The following TJP1 variants were observed in gnomAD, a reference collection of about 807,000 sequenced individuals.
The protein encoded by TJP1 is tight junction protein ZO-1.
A neutral mutation model predicts 194.2 loss-of-function variants in TJP1; 43 were observed. That is an observed-to-expected ratio of 0.22 (90% CI 0.17 to 0.29). The LOEUF (loss-of-function observed/expected upper bound fraction) is 0.29, where lower values mean the gene tolerates loss of function less well. TJP1 is among the 10% of genes least tolerant of loss of function. TJP1 has a pLI of 1.00. For missense variants in TJP1, 1,971 were observed against 2,185.7 expected (o/e 0.90, Z 1.96); for synonymous variants, 801 against 779.0 (o/e 1.03, Z -0.47).
chr15:29,942,664 T>G (rs1378697694), intron 2 of TJP1, among the ~76,000 whole-genome samples: 1 of 152,210 alleles, frequency 6.6e-6, no homozygotes, highest in Middle Eastern at 3.2e-3. Context: ...GTGATAATTC[T>G]GGAAGACTCC....
intron 2 of TJP1, among the ~76,000 whole-genome samples, chr15:29,863,034 C>T (rs951882313): frequency 1.3e-5 from 2 of 151,536 alleles, no homozygotes; most frequent in African/African-American, 4.8e-5. Context: ...GTGGCTCATG[C>T]CTATAATCCG....
At chr15:29,962,612 C>T (rs1247306933) in intron 1 of TJP1, among the ~76,000 whole-genome samples, 1 of 152,168 alleles carries the variant, frequency 6.6e-6, no homozygotes, top group Non-Finnish European at 1.5e-5. Context: ...TTCCAAACAA[C>T]AGTGTGAGCC....
At chr15:29,727,381 C>T (rs2043307122) in intron 16 of TJP1, among the ~76,000 whole-genome samples, 1 of 152,114 alleles carries the variant, frequency 6.6e-6, no homozygotes, top group Non-Finnish European at 1.5e-5. Context: ...CAAAACAAAA[C>T]ACCCCATCAC....
chr15:29,890,877 G>C (rs1397838782), intron 2 of TJP1, among the ~76,000 whole-genome samples: 1 of 152,100 alleles, frequency 6.6e-6, no homozygotes. Flanking sequence ...CTGCCAGCGA[G>C]ATGTCTACTT....
At chr15:29,767,001 C>A (rs533409594) in intron 4 of TJP1, among the ~76,000 whole-genome samples, 1 of 152,288 alleles carries the variant, frequency 6.6e-6, no homozygotes, top group Admixed American at 6.5e-5. Context: ...TTGCCCCAGA[C>A]CTCTAAGAGA....
At position 29,867,577 on chromosome 15, in the gene TJP1, T is replaced by C. The variant is rs1337840152; in HGVS notation, c.307-66875A>G. 1.3e-5 allele frequency among the ~76,000 whole-genome samples: 2 copies of C among 152,142 alleles called. 1 individual carries two copies. Among genetic ancestry groups the C allele is most frequent in the African/African-American group, 4.8e-5 (2 of 41,428 alleles). ...TGGGTGTGTATATTCCCTTAAAAAT[T>C]ATCTCAGTGTGTAAAAAATTTGTTT... On this transcript the variant is annotated intron_variant, in intron 2 of 28. Transcript: ENST00000356107.
At chr15:29,712,612 C>T (rs1006805280) in intron 23 of TJP1, among the ~76,000 whole-genome samples, 3 of 152,138 alleles carry the variant, frequency 2.0e-5, no homozygotes, top group African/African-American at 7.2e-5. Flanking sequence ...AACACAATCA[C>T]TTAGTTATGT....
intron 2 of TJP1, among the ~76,000 whole-genome samples, chr15:29,886,719 C>G (rs1405838609): frequency 6.7e-6 from 1 of 150,130 alleles, no homozygotes; most frequent in Non-Finnish European, 1.5e-5. Flanking sequence ...AATAACATAA[C>G]AATAACCATA....
intron 2 of TJP1, 129 bp downstream of exon 2, chr15:29,800,517 T>C (rs1419782498): frequency 1.2e-6 from 1 of 805,188 alleles, no homozygotes; most frequent in Non-Finnish European, 2.0e-6. Context: ...AACTCTAATT[T>C]TAAACAAAAG....
chr15:29,813,165 C>T (rs1226430575), intron 1 of TJP1, among the ~76,000 whole-genome samples: 10 of 152,078 alleles, frequency 6.6e-5, no homozygotes, highest in Non-Finnish European at 1.5e-4. Flanking sequence ...GGATATCTTA[C>T]TACTAAAACA....
upstream of TJP1, among the ~76,000 whole-genome samples, chr15:29,826,153 T>TA (rs1010730015): frequency 1.8e-4 from 15 of 83,956 alleles, no homozygotes; most frequent in Admixed American, 1.3e-3. Context: ...TTTTTTTTTT[T>TA]AAAAAGAAGA....
chr15:29,898,477 C>T (rs1394080024), intron 2 of TJP1, among the ~76,000 whole-genome samples: 1 of 152,092 alleles, frequency 6.6e-6, no homozygotes, highest in African/African-American at 2.4e-5. Context: ...ATATAGGATC[C>T]CTCAGATTTT....
rs2041538988 is a variant in TJP1 at position 29,701,516 on chromosome 15, TATA to T, written c.*76_*78del. The T allele has an allele frequency of 2.5e-6, 3 of 1,185,400 alleles. No individual in the cohort carries two copies. The South Asian group carries it at 3.9e-5, about 16-fold the overall frequency. 73.4% of individuals were successfully genotyped at this position (1,185,400 alleles called of 1,614,324 possible). A position where few individuals can be genotyped will look rare whatever the true frequency, so the allele number is the denominator to read the frequency against. On this transcript the variant is annotated 3_prime_UTR_variant, in exon 28 of 28. Coordinates refer to ENST00000614355, the MANE Select transcript of TJP1 (RefSeq NM_001330239.4). ...ACTGTAGTATCAACTCTAAAAAAGG[TATA>T]ATACTTGATAGAGTGGTTCCATTTA...
intron 18 of TJP1, among the ~76,000 whole-genome samples, chr15:29,725,039 G>A (rs1490728666): frequency 6.6e-6 from 1 of 152,168 alleles, no homozygotes; most frequent in Non-Finnish European, 1.5e-5. Context: ...ATTAACATTG[G>A]ACCTGCCAAA....
At chr15:29,733,610 A>G (rs1454770713) in intron 12 of TJP1, among the ~76,000 whole-genome samples, 4 of 152,230 alleles carry the variant, frequency 2.6e-5, no homozygotes, top group Admixed American at 6.5e-5. Context: ...AGACATTTCC[A>G]TATCTAAATC....
At chr15:29,824,445 AATCATCATCATCATC>A (rs34399157), upstream of TJP1, among the ~76,000 whole-genome samples, 9 of 145,808 alleles carry the variant, frequency 6.2e-5, no homozygotes, top group African/African-American at 1.5e-4. Flanking sequence ...CTCCGTCTCA[AATCATCATCATCATC>A]ATCATCATCA....
chr15:29,928,362 T>A (rs1003352514), intron 2 of TJP1, among the ~76,000 whole-genome samples: 1 of 152,182 alleles, frequency 6.6e-6, no homozygotes, highest in African/African-American at 2.4e-5. Context: ...TGGTTAAAAA[T>A]TTTTTTAAGT....
At chr15:29,890,659 G>C (rs1402179860) in intron 2 of TJP1, among the ~76,000 whole-genome samples, 1 of 152,158 alleles carries the variant, frequency 6.6e-6, no homozygotes, top group African/African-American at 2.4e-5. Context: ...GAAAGGAATA[G>C]AGTCCGCTCA....
At chr15:29,960,977 T>C (rs2056134615) in intron 1 of TJP1, among the ~76,000 whole-genome samples, 1 of 152,216 alleles carries the variant, frequency 6.6e-6, no homozygotes, top group African/African-American at 2.4e-5. Context: ...TAGATGTTGC[T>C]TCTCTTTTGT....
Sources: gnomAD v4.1 joint callset for allele counts (sites outside exome capture counted in the v4.1 genomes callset) on GRCh38, gnomAD v4.1.1 for gene constraint, MANE v1.5 for transcripts, NCBI Gene and HGNC (gene_info 2026-07-23, HGNC 2026-07-21) for gene names.